EDRF1: variants seen among roughly 807,000 people sequenced by gnomAD.
The protein encoded by EDRF1 is erythroid differentiation-related factor 1.
Under a neutral mutation model 148.7 loss-of-function variants are expected in EDRF1, and 69 were observed. The ratio of observed to expected loss-of-function variants is 0.46; its 90% CI spans 0.38 to 0.57. The LOEUF (loss-of-function observed/expected upper bound fraction) is 0.57. EDRF1 is among the 20% of genes least tolerant of loss of function. The probability of loss-of-function intolerance (pLI) is 0.00; values close to 1 mark genes in which losing one functional copy is unlikely to be tolerated. For missense variants in EDRF1, 1,118 were observed against 1,478.7 expected (o/e 0.76, Z 4.00); for synonymous variants, 515 against 532.8 (o/e 0.97, Z 0.46).
intron 9 of EDRF1, chr10:125,731,918 G>A (rs549914995): frequency 2.2e-6 from 1 of 451,906 alleles, no homozygotes; most frequent in South Asian, 1.6e-5. Flanking sequence ...GAGGATCAAG[G>A]AGCTCAAGTG....
rs1004793950 is a variant in EDRF1 at position 125,719,726 on chromosome 10, T to G, written c.-82T>G. On this transcript the variant is annotated 5_prime_UTR_variant, in exon 1 of 25. Transcript: ENST00000356792. The stretch of plus-strand genomic sequence containing the variant: ...GGAAGTGCGGTCCGCGGAGCGTCTC[T>G]GGCGCTTACCCTGCTTTGGGCCTGC... 2.7e-6 allele frequency: 3 copies of G among 1,097,494 alleles called. No homozygotes were observed. The highest frequency in any genetic ancestry group is 3.9e-6 in the Non-Finnish European group (3 of 765,298). The allele number at this position is 1,097,494 out of a possible 1,614,324, so 68.0% of individuals were successfully genotyped here. A position where few individuals can be genotyped will look rare whatever the true frequency, so the allele number is the denominator to read the frequency against.
intron 22 of EDRF1, among the ~76,000 whole-genome samples, chr10:125,751,250 A>G (rs1270418043): frequency 6.6e-6 from 1 of 152,170 alleles, no homozygotes; most frequent in East Asian, 1.9e-4. Flanking sequence ...AGTGTGTTTA[A>G]TTCTCTCCTT....
chr10:125,728,373 C>G (rs1166981579), intron 6 of EDRF1, among the ~76,000 whole-genome samples: 1 of 151,942 alleles, frequency 6.6e-6, no homozygotes, highest in South Asian at 2.1e-4. Context: ...AAGTGAGTAC[C>G]TGGTAAACGT....
At chr10:125,745,666 A>G in intron 18 of EDRF1, 41 bp from the exon 19 acceptor site, 1 of 1,599,726 alleles carries the variant, frequency 6.3e-7, no homozygotes, top group Non-Finnish European at 8.6e-7. Flanking sequence ...GTTTACACTG[A>G]TGTCTGCTTA....
Position 125,741,117 on chromosome 10 carries a change from G to A in EDRF1, c.2287G>A (p.Ala763Thr), listed in dbSNP as rs1451677605. The change falls in exon 17 of 25, where the codon GCA (alanine) becomes ACA (threonine). Residue 763 changes from alanine (A) to threonine (T), a missense_variant. Coordinates refer to ENST00000356792, the MANE Select transcript of EDRF1 (RefSeq NM_001202438.2). ...GCTGGCCCAGAATGCAAATAATAGA[G>A]CAGCACACCTTGAAGAGTTTCATTA... ...LMLAQNANNR[A>T]AHLEEFHYQT... 3 of 1,613,996 alleles carry A rather than the reference G, an allele frequency of 1.9e-6. No individual in the cohort carries two copies. Among genetic ancestry groups the A allele is most frequent in the Non-Finnish European group, 2.5e-6 (3 of 1,180,034 alleles).
chr10:125,724,046 C>T, intron 4 of EDRF1, 110 bp downstream of exon 4: 1 of 1,267,810 alleles, frequency 7.9e-7, no homozygotes, highest in Non-Finnish European at 1.1e-6. Flanking sequence ...AGTACTTCAA[C>T]AATCGAGAAA....
chr10:125,761,620 TG>T (rs1437869845), intron 24 of EDRF1, among the ~76,000 whole-genome samples: 2 of 152,202 alleles, frequency 1.3e-5, no homozygotes, highest in African/African-American at 4.8e-5. Context: ...TGTGAGATGA[TG>T]GAGCCCTCTG....
At chr10:125,760,532 TAATAA>T (rs142733737) in intron 24 of EDRF1, among the ~76,000 whole-genome samples, 2,163 of 152,300 alleles carry the variant, frequency 0.014, 42 homozygotes, top group African/African-American at 0.049. Flanking sequence ...GATAATGTGT[TAATAA>T]AATAAACACT....
At chr10:125,746,062 C>T (rs191905869) in intron 19 of EDRF1, 132 bp downstream of exon 19, 87 of 791,828 alleles carry the variant, frequency 1.1e-4, no homozygotes, top group African/African-American at 8.0e-4. Context: ...CCAGACAGAT[C>T]GTGAAAACAC....
chr10:125,721,655 G>A (rs1271792789), intron 2 of EDRF1, among the ~76,000 whole-genome samples: 1 of 152,214 alleles, frequency 6.6e-6, no homozygotes, highest in Non-Finnish European at 1.5e-5. Flanking sequence ...GCAAAGATGA[G>A]TTTTGACTGC....
intron 24 of EDRF1, chr10:125,756,917 A>G (rs1351187113): frequency 7.5e-6 from 3 of 401,064 alleles, no homozygotes; most frequent in Admixed American, 5.9e-5. Context: ...GGCTCAAGCA[A>G]TCCCCCACCT....
At chr10:125,739,584 G>A (rs1848909494) in intron 15 of EDRF1, among the ~76,000 whole-genome samples, 1 of 152,176 alleles carries the variant, frequency 6.6e-6, no homozygotes, top group Non-Finnish European at 1.5e-5. Flanking sequence ...ACTCACAGAT[G>A]ATGCTTATAT....
intron 13 of EDRF1, among the ~76,000 whole-genome samples, chr10:125,736,612 A>G (rs1302832024): frequency 6.6e-6 from 1 of 152,136 alleles, no homozygotes; most frequent in African/African-American, 2.4e-5. Flanking sequence ...ACTCTAAGCA[A>G]GTTTTTGAGG....
intron 15 of EDRF1, among the ~76,000 whole-genome samples, chr10:125,739,418 C>CT (rs2133713847): frequency 6.6e-6 from 1 of 152,328 alleles, no homozygotes; most frequent in South Asian, 2.1e-4. Context: ...ATGTTTCCCT[C>CT]TGTTCTCCAT....
Position 125,719,751 on chromosome 10 carries a change from C to CGTT in EDRF1, c.-55_-53dup. On this transcript the variant is annotated 5_prime_UTR_variant, in exon 1 of 25. Coordinates refer to ENST00000356792, the MANE Select transcript of EDRF1 (RefSeq NM_001202438.2). Reference sequence around the variant, plus strand: ...TGGCGCTTACCCTGCTTTGGGCCTGCGTTGCTGCTGCTGCTCCTCCGCTCC... The same window carrying CGTT: ...TGGCGCTTACCCTGCTTTGGGCCTGCGTTGTTGCTGCTGCTGCTCCTCCGCTCC... 1 of 1,428,184 alleles carries CGTT rather than the reference C, an allele frequency of 7.0e-7. No individual in the cohort carries two copies. Among genetic ancestry groups the CGTT allele is most frequent in the Non-Finnish European group, 9.6e-7 (1 of 1,036,434 alleles). The allele number at this position is 1,428,184 out of a possible 1,614,324, so 88.5% of individuals were successfully genotyped here.
In EDRF1 at chr10:125,738,645, G is replaced by A. The variant is rs568384691; in HGVS notation, c.1981+200G>A. ...GATGTTTCATGGACATTTCTAATAA[G>A]AGCATAAGGAGCCTGCATCTTCCTG... On this transcript the variant is annotated intron_variant, in intron 15 of 24. Coordinates refer to ENST00000356792, the MANE Select transcript of EDRF1 (RefSeq NM_001202438.2). 8.5e-5 allele frequency among the ~76,000 whole-genome samples: 13 copies of A among 152,252 alleles called. No homozygotes were observed. In the South Asian group the frequency reaches 2.7e-3, roughly 32 times the overall value.
At position 125,739,554 on chromosome 10, in the gene EDRF1, A is replaced by G. The variant is rs528337182; in HGVS notation, c.1982-909A>G. On this transcript the variant is annotated intron_variant, in intron 15 of 24. Transcript: ENST00000356792. The stretch of plus-strand genomic sequence containing the variant: ...TGAACAAGAACTTCATCTTAATTTT[A>G]GTTTCTCACAATGCCTCTTACTCAC... 3.3e-5 allele frequency among the ~76,000 whole-genome samples: 5 copies of G among 152,332 alleles called. No homozygotes were observed. The South Asian group carries it at 1.0e-3, about 32-fold the overall frequency.
chr10:125,723,959 C>T, intron 4 of EDRF1, 23 bp downstream of exon 4: 1 of 1,611,482 alleles, frequency 6.2e-7, no homozygotes, highest in Non-Finnish European at 8.5e-7. Context: ...TGAAAAAATC[C>T]AACAAAACAT....
chr10:125,737,669 T>G (rs549162244), intron 13 of EDRF1, among the ~76,000 whole-genome samples: 1 of 152,222 alleles, frequency 6.6e-6, no homozygotes, highest in Non-Finnish European at 1.5e-5. Flanking sequence ...CGGTGCTAAT[T>G]ATGAGTGGAG....
Sources: allele counts gnomAD v4.1 joint callset (sites outside exome capture counted in the v4.1 genomes callset), GRCh38; gene constraint gnomAD v4.1.1; transcripts MANE v1.5; gene names NCBI Gene and HGNC (gene_info 2026-07-23, HGNC 2026-07-21).